Variants in TPPP observed in about 807,000 individuals in gnomAD.
TPPP encodes tubulin polymerization-promoting protein.
A neutral mutation model predicts 15.5 loss-of-function variants in TPPP; 6 were observed. The ratio of observed to expected loss-of-function variants is 0.39; its 90% CI spans 0.21 to 0.77. TPPP has a LOEUF of 0.77. Among genes scored for constraint, TPPP ranks in the 30% least tolerant of loss-of-function variants. The pLI is 0.42. For missense variants in TPPP, 269 were observed against 307.2 expected (o/e 0.88, Z 0.93); for synonymous variants, 146 against 133.9 (o/e 1.09, Z -0.63).
intron 1 of TPPP, chr5:692,535 C>A (rs1740917279): frequency 1.0e-6 from 1 of 976,470 alleles, no homozygotes; most frequent in Admixed American, 6.3e-5. Context: ...AGCCCCGCCA[C>A]TGCCCGGGAG....
chr5:677,138 T>C (rs1030773234), intron 2 of TPPP, among the ~76,000 whole-genome samples: 2 of 152,252 alleles, frequency 1.3e-5, no homozygotes, highest in African/African-American at 4.8e-5. Context: ...CGGAGCCGCC[T>C]CCTTGGTGCC....
intron 2 of TPPP, among the ~76,000 whole-genome samples, chr5:667,431 T>G (rs1023846789): frequency 7.9e-5 from 12 of 152,168 alleles, no homozygotes; most frequent in Non-Finnish European, 1.5e-4. Flanking sequence ...TCAAAATAGA[T>G]GACGGTCCTA....
At chr5:693,423 GC>G (rs1281473073), upstream of TPPP, 26,114 of 127,254 alleles carry the variant, frequency 0.21, 2,454 homozygotes, top group African/African-American at 0.31. Flanking sequence ...TCCCGGGCCC[GC>G]CCCCGGCCCC....
intron 2 of TPPP, among the ~76,000 whole-genome samples, chr5:676,942 C>T (rs561954298): frequency 2.7e-5 from 4 of 150,394 alleles, no homozygotes; most frequent in South Asian, 4.2e-4. Context: ...GCGCACACGA[C>T]GCAGAAACGC....
chr5:683,239 C>T (rs570904518), intron 1 of TPPP, among the ~76,000 whole-genome samples: 1 of 152,276 alleles, frequency 6.6e-6, no homozygotes, highest in Admixed American at 6.5e-5. Context: ...TCCCTCGCAC[C>T]CGATGGCCTC....
At chr5:665,446 T>C (rs1739856793) in intron 3 of TPPP, 150 bp from the exon 4 acceptor site, 7 of 733,468 alleles carry the variant, frequency 9.5e-6, no homozygotes, top group African/African-American at 5.3e-5. Flanking sequence ...TTAATTCTTA[T>C]TTTTACCTCT....
chr5:667,854 G>C (rs58811955), intron 2 of TPPP, among the ~76,000 whole-genome samples: 26,849 of 71,122 alleles, frequency 0.38, 4,019 homozygotes, highest in African/African-American at 0.55. Flanking sequence ...CCGCGTGGGC[G>C]CCGTCAGGGA....
intron 1 of TPPP, among the ~76,000 whole-genome samples, chr5:685,069 G>A (rs1579197681): frequency 6.6e-6 from 1 of 152,162 alleles, no homozygotes; most frequent in Non-Finnish European, 1.5e-5. Context: ...TCACCATCCT[G>A]AGAGGTGCCC....
At chr5:697,158 G>C (rs1741028570), upstream of TPPP, among the ~76,000 whole-genome samples, 1 of 149,144 alleles carries the variant, frequency 6.7e-6, no homozygotes, top group African/African-American at 2.4e-5. Context: ...TTAAAGTGCA[G>C]GTTCCGGGTC....
upstream of TPPP, chr5:693,499 C>T (rs990361196): frequency 6.3e-5 from 4 of 63,584 alleles, no homozygotes; most frequent in African/African-American, 4.8e-4. Context: ...CCCCGCCGCC[C>T]CACCCGGCCC....
At chr5:673,481 T>TCCTG (rs1740292439) in intron 2 of TPPP, among the ~76,000 whole-genome samples, 2 of 151,838 alleles carry the variant, frequency 1.3e-5, no homozygotes, top group Non-Finnish European at 2.9e-5. Context: ...GAGGTCAGAA[T>TCCTG]CCCTTGGCCT....
rs1178766279 is a variant in TPPP, at chr5:685,582, GGC to G, written c.-4-7520_-4-7519del. 2.0e-5 allele frequency among the ~76,000 whole-genome samples: 3 copies of G among 152,328 alleles called. No individual in the cohort carries two copies. In the East Asian group the frequency reaches 5.8e-4, roughly 29 times the overall value. ...AGGGGAGCAGGGGCTGCATGGCCCT[GGC>G]CACCTCCACTCACCCTCCCTCCGCC... is the stretch of plus-strand genomic sequence containing the variant. On this transcript the variant is annotated intron_variant, in intron 1 of 3. Coordinates refer to ENST00000360578, the MANE Select transcript of TPPP (RefSeq NM_007030.3).
intron 1 of TPPP, among the ~76,000 whole-genome samples, chr5:679,019 TCAGCA>T (rs1740541879): frequency 6.6e-6 from 1 of 151,992 alleles, no homozygotes; most frequent in South Asian, 2.1e-4. Flanking sequence ...AGGTGGGCCG[TCAGCA>T]CTGCACTGAG....
At chr5:684,974 G>A (rs566977447) in intron 1 of TPPP, among the ~76,000 whole-genome samples, 27 of 152,306 alleles carry the variant, frequency 1.8e-4, no homozygotes, top group Middle Eastern at 3.4e-3. Context: ...CCCACCCAGA[G>A]GCCAGACAGG....
Position 665,919 on chromosome 5 carries a change from G to GCCCCCCCCCC in TPPP, c.465+50_465+51insGGGGGGGGGG. 8.7e-6 allele frequency: 3 copies of GCCCCCCCCCC among 344,042 alleles called. 1 individual carries two copies. Among genetic ancestry groups the GCCCCCCCCCC allele is most frequent in the Non-Finnish European group, 7.9e-6 (2 of 253,008 alleles). 21.3% of individuals were successfully genotyped at this position (344,042 alleles called of 1,614,324 possible). ...CCCCCAGGCACCACCCACCTTCCAG[G>GCCCCCCCCCC]CCCCGCCCCCACCCCCTCCAGGCCC... On this transcript the variant is annotated intron_variant, in intron 3 of 3. Transcript: ENST00000360578.
intron 1 of TPPP, among the ~76,000 whole-genome samples, chr5:685,393 C>A (rs1387296196): frequency 6.6e-6 from 1 of 152,242 alleles, no homozygotes; most frequent in Non-Finnish European, 1.5e-5. Context: ...CTGGTCGTCT[C>A]ACATGGCGTC....
intron 2 of TPPP, among the ~76,000 whole-genome samples, chr5:669,275 GT>G (rs1263434897): frequency 2.1e-4 from 16 of 74,500 alleles, no homozygotes; most frequent in African/African-American, 8.1e-4. Context: ...GGGGGCGCTG[GT>G]GAGCCCGGTG....
chr5:675,546 G>GA (rs1740401431), intron 2 of TPPP, among the ~76,000 whole-genome samples: 1 of 127,962 alleles, frequency 7.8e-6, no homozygotes, highest in Non-Finnish European at 1.8e-5. Flanking sequence ...GATGCCGTGT[G>GA]GCCGGGGGTG....
Position 669,478 on chromosome 5 carries a change from G to A in TPPP, c.312-3355C>T, listed in dbSNP as rs59863608. Among the ~76,000 whole-genome samples the A allele has an allele frequency of 3.3e-3, 506 of 152,226 alleles. 4 individuals are homozygous for A. Among genetic ancestry groups the A allele is most frequent in the African/African-American group, 0.012 (490 of 41,504 alleles). ...GGCCCTGTGGGGGTGTTGACTCTCT[G>A]GGGCCCTTGGGGCCTCTGTCTGTCC... On this transcript the variant is annotated intron_variant, in intron 2 of 3. Coordinates refer to ENST00000360578, the MANE Select transcript of TPPP (RefSeq NM_007030.3).
Sources: allele counts gnomAD v4.1 joint callset (sites outside exome capture counted in the v4.1 genomes callset), GRCh38; gene constraint gnomAD v4.1.1; transcripts MANE v1.5; gene names NCBI Gene and HGNC (gene_info 2026-07-23, HGNC 2026-07-21).